The following SCAPER variants were observed in gnomAD, a reference collection of about 807,000 sequenced individuals.
SCAPER encodes S-phase cyclin A associated protein in the ER, also known as S phase cyclin A-associated protein in the endoplasmic reticulum.
A neutral mutation model predicts 182.2 loss-of-function variants in SCAPER; 98 were observed. The ratio of observed to expected loss-of-function variants is 0.54; its 90% CI spans 0.46 to 0.64. The LOEUF is 0.64. Among genes scored for constraint, SCAPER ranks in the 30% least tolerant of loss-of-function variants. SCAPER has a pLI of 0.00. For synonymous variants in SCAPER, 605 were observed against 564.6 expected (o/e 1.07, Z -1.01); for missense variants, 1,432 against 1,690.0 (o/e 0.85, Z 2.68).
intron 23 of SCAPER, among the ~76,000 whole-genome samples, chr15:76,524,221 C>T (rs2043019178): frequency 6.6e-6 from 1 of 152,134 alleles, no homozygotes; most frequent in South Asian, 2.1e-4. Context: ...ACCAGCCATG[C>T]ACGCAACATT....
At chr15:76,553,713 G>A (rs1404646752) in intron 23 of SCAPER, among the ~76,000 whole-genome samples, 1 of 151,636 alleles carries the variant, frequency 6.6e-6, no homozygotes, top group South Asian at 2.1e-4. Context: ...AAGGAGTCCT[G>A]AGCTGAGCCT....
At chr15:76,848,403 G>A (rs984402989) in intron 4 of SCAPER, among the ~76,000 whole-genome samples, 17 of 143,314 alleles carry the variant, frequency 1.2e-4, no homozygotes, top group Admixed American at 7.7e-4. Context: ...ATCTCGGTTC[G>A]GTTCACTGCA....
intron 21 of SCAPER, among the ~76,000 whole-genome samples, chr15:76,656,878 C>T (rs1404958620): frequency 6.6e-6 from 1 of 152,116 alleles, no homozygotes; most frequent in Non-Finnish European, 1.5e-5. Flanking sequence ...ATACCAGAAT[C>T]TCTGGGACAC....
intron 23 of SCAPER, among the ~76,000 whole-genome samples, chr15:76,572,913 T>TCA (rs1481190270): frequency 0.018 from 2,117 of 119,372 alleles, 20 homozygotes; most frequent in Non-Finnish European, 0.023. Context: ...TCTCTCTCTC[T>TCA]CTCTCTCACA....
Position 76,818,039 on chromosome 15 carries a change from T to C in SCAPER, c.394-13406A>G, listed in dbSNP as rs543719419. Among the ~76,000 whole-genome samples, 4 of 152,274 alleles carry C rather than the reference T, an allele frequency of 2.6e-5. No individual in the cohort carries two copies. In the South Asian group the frequency reaches 8.3e-4, roughly 32 times the overall value. ...AAGCTGGTGGACTAACACTACCCAATGTCAAGAAATACTAAAAAGCTATAG... is the reference window on the plus strand; with the variant it reads ...AAGCTGGTGGACTAACACTACCCAACGTCAAGAAATACTAAAAAGCTATAG... On this transcript the variant is annotated intron_variant, in intron 5 of 31. Transcript: ENST00000563290.
intron 15 of SCAPER, among the ~76,000 whole-genome samples, chr15:76,742,985 A>G (rs2061625855): frequency 6.6e-6 from 1 of 152,154 alleles, no homozygotes; most frequent in Admixed American, 6.5e-5. Flanking sequence ...TTGTTATAAC[A>G]AAGATGACAT....
At chr15:76,894,580 T>C (rs1001145513) in intron 1 of SCAPER, among the ~76,000 whole-genome samples, 5 of 151,616 alleles carry the variant, frequency 3.3e-5, no homozygotes, top group African/African-American at 1.2e-4. Context: ...AAATAGAGAA[T>C]AGAAAAACAG....
chr15:76,411,147 T>G (rs1258393646), intron 26 of SCAPER, among the ~76,000 whole-genome samples: 1 of 152,148 alleles, frequency 6.6e-6, no homozygotes, highest in African/African-American at 2.4e-5. Context: ...TTCAAAATGT[T>G]CTCTTTTATA....
At chr15:76,905,096 G>GCCCTCCCCAGGCGACCGCGGCTC (rs2074994462) in intron 1 of SCAPER, 1 of 152,930 alleles carries the variant, frequency 6.5e-6, no homozygotes, top group East Asian at 1.9e-4. Context: ...CGACCTCCGA[G>GCCCTCCCCAGGCGACCGCGGCTC]CCCTCCCCAG....
At chr15:76,433,488 G>A (rs2046996528) in intron 26 of SCAPER, among the ~76,000 whole-genome samples, 1 of 152,068 alleles carries the variant, frequency 6.6e-6, no homozygotes, top group Admixed American at 6.5e-5. Flanking sequence ...ACTCCAGACT[G>A]GGTGATAGAA....
chr15:76,360,052 CT>C (rs1360028258), intron 29 of SCAPER, among the ~76,000 whole-genome samples: 2 of 152,188 alleles, frequency 1.3e-5, no homozygotes, highest in African/African-American at 4.8e-5. Context: ...GATAAGCTGT[CT>C]CTTACCCTAG....
intron 23 of SCAPER, among the ~76,000 whole-genome samples, chr15:76,534,299 T>C (rs922109072): frequency 6.6e-6 from 1 of 152,138 alleles, no homozygotes; most frequent in African/African-American, 2.4e-5. Context: ...TTATCTAAAA[T>C]CAAGAAAACA....
At chr15:76,377,444 A>C (rs916914517) in intron 28 of SCAPER, among the ~76,000 whole-genome samples, 1 of 152,170 alleles carries the variant, frequency 6.6e-6, no homozygotes, top group Non-Finnish European at 1.5e-5. Flanking sequence ...CCTCTGTTTA[A>C]CCTTCACTGA....
Position 76,415,222 on chromosome 15 carries a change from T to C in SCAPER, c.3312-10543A>G, listed in dbSNP as rs996934099. ...TAAAGAACAATTTGGTGTTAAATTG[T>C]TGAATATCTTTGTCAGATTTTGGTT... On this transcript the variant is annotated intron_variant, in intron 26 of 31. Transcript: ENST00000563290. Among the ~76,000 whole-genome samples, 19 of 152,350 alleles carry C rather than the reference T, an allele frequency of 1.2e-4. 1 individual carries two copies. The highest frequency in any genetic ancestry group is 4.1e-4 in the African/African-American group (17 of 41,586).
chr15:76,351,019 T>A (rs2141622461), intron 31 of SCAPER: 1 of 419,000 alleles, frequency 2.4e-6, no homozygotes, highest in East Asian at 3.7e-5. Context: ...TGTGCTTTTC[T>A]TTTACTCCCA....
At chr15:76,376,857 C>T (rs1401628785) in intron 28 of SCAPER, among the ~76,000 whole-genome samples, 1 of 152,092 alleles carries the variant, frequency 6.6e-6, no homozygotes, top group African/African-American at 2.4e-5. Flanking sequence ...AAAAACAAAA[C>T]AAAAAATTCT....
chr15:76,538,456 T>C (rs569067206), intron 23 of SCAPER, among the ~76,000 whole-genome samples: 4 of 151,896 alleles, frequency 2.6e-5, no homozygotes, highest in Non-Finnish European at 4.4e-5. Flanking sequence ...CTCAGTAAAC[T>C]ATCGCAAGGA....
chr15:76,763,640 T>G (rs2062933531), intron 14 of SCAPER, among the ~76,000 whole-genome samples: 1 of 152,080 alleles, frequency 6.6e-6, no homozygotes, highest in Non-Finnish European at 1.5e-5. Flanking sequence ...CCCAGAGGCT[T>G]CCTTCATTTT....
chr15:76,462,959 C>G (rs1567190069), intron 25 of SCAPER, among the ~76,000 whole-genome samples: 1 of 152,086 alleles, frequency 6.6e-6, no homozygotes, highest in Non-Finnish European at 1.5e-5. Context: ...AGTATCCAAC[C>G]CCACATATCT....
Sources: allele counts gnomAD v4.1 joint callset (sites outside exome capture counted in the v4.1 genomes callset), GRCh38; gene constraint gnomAD v4.1.1; transcripts MANE v1.5; gene names NCBI Gene and HGNC (gene_info 2026-07-23, HGNC 2026-07-21).